ZFP90: variants seen among roughly 807,000 people sequenced by gnomAD.
ZFP90 encodes the protein zinc finger protein 90 homolog.
A neutral mutation model predicts 60.8 loss-of-function variants in ZFP90; 38 were observed. That is an observed-to-expected ratio of 0.62 (90% CI 0.48 to 0.82). ZFP90 has a LOEUF of 0.82. Among genes scored for constraint, ZFP90 ranks in the 40% least tolerant of loss-of-function variants. The pLI, the probability that ZFP90 is intolerant of heterozygous loss-of-function variation, is 0.00. For synonymous variants in ZFP90, 287 were observed against 264.8 expected (o/e 1.08, Z -0.82); for missense variants, 711 against 759.1 (o/e 0.94, Z 0.74).
chr16:68,559,733 A>G (rs1320348574), intron 4 of ZFP90, among the ~76,000 whole-genome samples: 1 of 150,704 alleles, frequency 6.6e-6, no homozygotes, highest in African/African-American at 2.4e-5. Context: ...ACACCCGGCT[A>G]ATTTTTTGTA....
intron 2 of ZFP90, 81 bp from the exon 3 acceptor site, chr16:68,557,917 A>G: frequency 6.3e-7 from 1 of 1,576,662 alleles, no homozygotes; most frequent in Non-Finnish European, 8.7e-7. Flanking sequence ...CACTTCTGAT[A>G]GCTCCTGCAG....
At chr16:68,570,095 C>T (rs1438658106), downstream of ZFP90, among the ~76,000 whole-genome samples, 1 of 151,888 alleles carries the variant, frequency 6.6e-6, no homozygotes, top group African/African-American at 2.4e-5. Flanking sequence ...CCCTACCTAC[C>T]ACTCCATTTC....
intron 4 of ZFP90, chr16:68,562,629 C>A: frequency 4.7e-6 from 1 of 213,900 alleles, no homozygotes; most frequent in South Asian, 9.5e-5. Flanking sequence ...GACCTGGAAC[C>A]TGAGAGTTGA....
chr16:68,570,897 C>CA (rs2091564450), downstream of ZFP90, among the ~76,000 whole-genome samples: 1 of 152,164 alleles, frequency 6.6e-6, no homozygotes, highest in Admixed American at 6.5e-5. Flanking sequence ...GGAATTCCCC[C>CA]AGGGCTCAGT....
chr16:68,561,263 T>C (rs1264876947), intron 4 of ZFP90, among the ~76,000 whole-genome samples: 1 of 152,222 alleles, frequency 6.6e-6, no homozygotes, highest in Non-Finnish European at 1.5e-5. Context: ...CTATAGAAAA[T>C]AGAAACTCCC....
chr16:68,567,428 C>G (rs2091544007), downstream of ZFP90, among the ~76,000 whole-genome samples: 1 of 152,142 alleles, frequency 6.6e-6, no homozygotes, highest in African/African-American at 2.4e-5. Context: ...CAGGATGTCC[C>G]TGGGGCTCAC....
At chr16:68,538,981 C>T (rs1567390533), upstream of ZFP90, among the ~76,000 whole-genome samples, 1 of 152,220 alleles carries the variant, frequency 6.6e-6, no homozygotes, top group East Asian at 1.9e-4. Context: ...ATCTTGTTGA[C>T]ATGTTTGCGT....
At chr16:68,543,085 G>A (rs991003337) in intron 2 of ZFP90, among the ~76,000 whole-genome samples, 6 of 152,196 alleles carry the variant, frequency 3.9e-5, no homozygotes, top group Admixed American at 6.6e-5. Flanking sequence ...GTCAGGGTAA[G>A]CCTTATCCTT....
chr16:68,566,688 T>C lies in ZFP90; in HGVS notation c.*1990T>C, dbSNP rs970529640. The C allele has an allele frequency of 1.0e-6, 1 of 985,574 alleles. No homozygotes were observed. The highest frequency in any genetic ancestry group is 1.2e-6 in the Non-Finnish European group (1 of 829,944). The allele number at this position is 985,574 out of a possible 1,614,324, so 61.1% of individuals were successfully genotyped here. A position where few individuals can be genotyped will look rare whatever the true frequency, so the allele number is the denominator to read the frequency against. On this transcript the variant is annotated 3_prime_UTR_variant, in exon 5 of 5. Coordinates refer to ENST00000563169, the MANE Select transcript of ZFP90 (RefSeq NM_001305203.2). The stretch of plus-strand genomic sequence containing the variant: ...CAATGCCAAGGCTGTGCTTCTATTA[T>C]CTGATACATAGTTTGACAATGGGTA...
At chr16:68,570,884 A>G (rs1334376273), downstream of ZFP90, among the ~76,000 whole-genome samples, 2 of 151,948 alleles carry the variant, frequency 1.3e-5, no homozygotes, top group African/African-American at 2.4e-5. Flanking sequence ...TGCTCTAGAC[A>G]TAGGAATTCC....
chr16:68,545,219 G>T (rs1205234090), intron 2 of ZFP90, among the ~76,000 whole-genome samples: 5 of 151,888 alleles, frequency 3.3e-5, no homozygotes, highest in Admixed American at 3.3e-4. Flanking sequence ...GAATGGAGTG[G>T]TGCATTTACC....
At chr16:68,538,144 T>A (rs1337568594), upstream of ZFP90, among the ~76,000 whole-genome samples, 1 of 152,130 alleles carries the variant, frequency 6.6e-6, no homozygotes, top group Admixed American at 6.5e-5. Flanking sequence ...ACTCCTGACC[T>A]CAGGTGATCC....
At chr16:68,545,566 G>A (rs1166143449) in intron 2 of ZFP90, among the ~76,000 whole-genome samples, 1 of 152,134 alleles carries the variant, frequency 6.6e-6, no homozygotes, top group Non-Finnish European at 1.5e-5. Context: ...TGTAATCCCA[G>A]CACTTTGGGA....
In ZFP90 at chr16:68,558,123, T is replaced by C. The variant is rs1208942251; in HGVS notation, c.159T>C (p.Leu53=). ...MLENYSHLVS[L]GYQVSKPEVI... ...AGAACTATAGCCACCTGGTTTCTCTTGGTAAGGACCACTTCTCTGAGTGTC... is the reference window on the plus strand; with the variant it reads ...AGAACTATAGCCACCTGGTTTCTCTCGGTAAGGACCACTTCTCTGAGTGTC... Residue 53 remains leucine, a splice_region_variant and synonymous_variant, in exon 3 of 5, where the codon CTT becomes CTC. Coordinates refer to ENST00000563169, the MANE Select transcript of ZFP90 (RefSeq NM_001305203.2). 5.6e-6 allele frequency: 9 copies of C among 1,613,514 alleles called. No individual in the cohort carries two copies. Among genetic ancestry groups the C allele is most frequent in the Non-Finnish European group, 7.6e-6 (9 of 1,179,770 alleles).
chr16:68,546,452 GCTTT>G (rs1188465558), intron 2 of ZFP90, among the ~76,000 whole-genome samples: 1 of 152,056 alleles, frequency 6.6e-6, no homozygotes, highest in African/African-American at 2.4e-5. Context: ...CTACCATTCT[GCTTT>G]CTATCTCTAT....
At chr16:68,573,146 C>G (rs540382940) in intron 2 of ZFP90, among the ~76,000 whole-genome samples, 35 of 152,222 alleles carry the variant, frequency 2.3e-4, no homozygotes, top group Non-Finnish European at 4.7e-4. Context: ...CACCCTGTAC[C>G]TGGAGCTCCT....
At chr16:68,546,143 C>G (rs146873091) in intron 2 of ZFP90, among the ~76,000 whole-genome samples, 2,205 of 152,280 alleles carry the variant, frequency 0.014, 31 homozygotes, top group Non-Finnish European at 0.021. Flanking sequence ...CCATTGCACT[C>G]CAGCCTGGGC....
At chr16:68,541,626 T>C (rs1182744200) in intron 2 of ZFP90, among the ~76,000 whole-genome samples, 5 of 152,132 alleles carry the variant, frequency 3.3e-5, no homozygotes, top group Admixed American at 1.3e-4. Context: ...ATACTTCTTA[T>C]TATATGTTTC....
chr16:68,571,823 T>C (rs1016471706), downstream of ZFP90, among the ~76,000 whole-genome samples: 1 of 152,004 alleles, frequency 6.6e-6, no homozygotes, highest in Non-Finnish European at 1.5e-5. Context: ...GTCTTGGCAC[T>C]GTCAGAATCA....
Sources: allele counts gnomAD v4.1 joint callset (sites outside exome capture counted in the v4.1 genomes callset), GRCh38; gene constraint gnomAD v4.1.1; transcripts MANE v1.5; gene names NCBI Gene and HGNC (gene_info 2026-07-23, HGNC 2026-07-21).